The following NRCAM variants were observed in gnomAD, a reference collection of about 807,000 sequenced individuals.
The protein encoded by NRCAM is neuronal cell adhesion molecule.
Under a neutral mutation model 156.5 loss-of-function variants are expected in NRCAM, and 83 were observed. That is an observed-to-expected ratio of 0.53 (90% CI 0.44 to 0.64). The LOEUF (loss-of-function observed/expected upper bound fraction) is 0.64. Ranked by LOEUF, NRCAM falls within the 30% of genes least tolerant of loss-of-function variation. The pLI, the probability that NRCAM is intolerant of heterozygous loss-of-function variation, is 0.00. For synonymous variants in NRCAM, 538 were observed against 563.9 expected (o/e 0.95, Z 0.65); for missense variants, 1,417 against 1,597.3 (o/e 0.89, Z 1.92).
chr7:108,434,992 G>A (rs894403743), intron 1 of NRCAM, among the ~76,000 whole-genome samples: 2 of 149,972 alleles, frequency 1.3e-5, no homozygotes, highest in Admixed American at 6.6e-5. Flanking sequence ...CAAAAATTAC[G>A]AGACAAGTAA....
chr7:108,192,823 AG>A (rs2072822687), intron 17 of NRCAM, among the ~76,000 whole-genome samples: 1 of 152,238 alleles, frequency 6.6e-6, no homozygotes, highest in African/African-American at 2.4e-5. Context: ...CACTAGAAAC[AG>A]GAAGATTTAG....
At chr7:108,332,732 A>G (rs2099139520) in intron 2 of NRCAM, among the ~76,000 whole-genome samples, 1 of 152,232 alleles carries the variant, frequency 6.6e-6, no homozygotes, top group Admixed American at 6.5e-5. Context: ...TAATGTACAT[A>G]TCAAGACAAT....
chr7:108,201,176 TAA>T (rs71522858), intron 13 of NRCAM, among the ~76,000 whole-genome samples: 67 of 130,502 alleles, frequency 5.1e-4, no homozygotes, highest in Middle Eastern at 3.9e-3. Context: ...TTAAGGTCGG[TAA>T]AAAAAAAAAA....
In NRCAM at chr7:108,368,733, A is replaced by T. The variant is rs191377414; in HGVS notation, c.-174+30703T>A. The stretch of plus-strand genomic sequence containing the variant: ...ACAAATTCCTCAAACCAGAAAAAAA[A>T]ACAAGCGTGAAGTAGAGCAAATAGC... On this transcript the variant is annotated intron_variant, in intron 2 of 32. Transcript: ENST00000379028. 1.5e-3 allele frequency among the ~76,000 whole-genome samples: 227 copies of T among 152,328 alleles called. 1 individual carries two copies. Among genetic ancestry groups the T allele is most frequent in the African/African-American group, 5.3e-3 (219 of 41,574 alleles).
At chr7:108,202,597 T>G (rs1255180696) in intron 13 of NRCAM, among the ~76,000 whole-genome samples, 2 of 152,204 alleles carry the variant, frequency 1.3e-5, no homozygotes, top group East Asian at 3.9e-4. Context: ...CCTCTTCATT[T>G]ACTTATTCCA....
chr7:108,186,461 T>A (rs78658436), intron 20 of NRCAM, among the ~76,000 whole-genome samples: 7,920 of 152,196 alleles, frequency 0.052, 285 homozygotes, highest in African/African-American at 0.1. Flanking sequence ...TCTTCCACAC[T>A]CTCTGTAGTA....
intron 2 of NRCAM, among the ~76,000 whole-genome samples, chr7:108,364,495 C>T (rs1242107604): frequency 6.6e-6 from 1 of 152,026 alleles, no homozygotes; most frequent in Non-Finnish European, 1.5e-5. Flanking sequence ...CCAGAGATTC[C>T]ACTCCTATGT....
intron 1 of NRCAM, among the ~76,000 whole-genome samples, chr7:108,451,883 G>A (rs1374528287): frequency 1.3e-5 from 2 of 152,160 alleles, no homozygotes; most frequent in Non-Finnish European, 2.9e-5. Flanking sequence ...GGTGATGGCT[G>A]CACACAATGT....
At chr7:108,367,938 G>A (rs1018621705) in intron 2 of NRCAM, among the ~76,000 whole-genome samples, 1 of 152,020 alleles carries the variant, frequency 6.6e-6, no homozygotes, top group South Asian at 2.1e-4. Flanking sequence ...AAACCCTAAC[G>A]TATGGTACAG....
At chr7:108,247,466 G>T (rs1207997639) in intron 3 of NRCAM, among the ~76,000 whole-genome samples, 1 of 151,278 alleles carries the variant, frequency 6.6e-6, no homozygotes, top group Non-Finnish European at 1.5e-5. Flanking sequence ...TATATATGTT[G>T]GTGCAGCCAA....
chr7:108,230,039 G>C (rs2094109338), intron 8 of NRCAM, among the ~76,000 whole-genome samples: 1 of 152,096 alleles, frequency 6.6e-6, no homozygotes, highest in African/African-American at 2.4e-5. Context: ...TAAAAGGCCT[G>C]ACACTTGGTA....
chr7:108,274,967 A>G (rs2097538035), intron 3 of NRCAM, among the ~76,000 whole-genome samples: 1 of 152,160 alleles, frequency 6.6e-6, no homozygotes, highest in South Asian at 2.1e-4. Flanking sequence ...GATATTGTTG[A>G]AGGCCTTTTC....
At chr7:108,286,296 A>G (rs1429839492) in intron 3 of NRCAM, among the ~76,000 whole-genome samples, 1 of 152,132 alleles carries the variant, frequency 6.6e-6, no homozygotes, top group African/African-American at 2.4e-5. Context: ...CAGTATTTAT[A>G]AGCCTTATCT....
At chr7:108,418,990 T>C (rs1442460822) in intron 1 of NRCAM, among the ~76,000 whole-genome samples, 4 of 152,070 alleles carry the variant, frequency 2.6e-5, no homozygotes, top group African/African-American at 9.7e-5. Context: ...GTCCTTCTGA[T>C]ATTGAGAGGC....
At position 108,232,399 on chromosome 7, in the gene NRCAM, T is replaced by A. The variant is rs2094443803; in HGVS notation, c.354A>T (p.Glu118Asp). Reference protein sequence around the residue: ...IMSEGKAETYEGVYQCTARNE... With the variant: ...IMSEGKAETYDGVYQCTARNE... ...TCCTTGCTGTACACTGATAGACTCC[T>A]TCATAGGTCTCAGCTTTCCCTTCGC... The change falls in exon 7 of 33, where the codon GAA becomes GAT. Residue 118 changes from glutamate to aspartate, a missense_variant. Physicochemically the swap from Glu to Asp is conservative, Grantham distance 45. Coordinates refer to ENST00000379028, the MANE Select transcript of NRCAM (RefSeq NM_001037132.4). 6.2e-7 allele frequency: 1 copy of A among 1,613,626 alleles called. No homozygotes were observed. Among genetic ancestry groups the A allele is most frequent in the Admixed American group, 1.7e-5 (1 of 59,960 alleles).
rs75558466 is a variant in NRCAM, at chr7:108,424,817, A to G, written c.-331-25224T>C. 2.7e-3 allele frequency among the ~76,000 whole-genome samples: 187 copies of G among 69,976 alleles called. 4 individuals carry two copies. The East Asian group carries it at 0.12, about 43-fold the overall frequency. The allele number at this position is 69,976 out of a possible 152,430, so 45.9% of individuals were successfully genotyped here. A position where few individuals can be genotyped will look rare whatever the true frequency, so the allele number is the denominator to read the frequency against. On this transcript the variant is annotated intron_variant, in intron 1 of 32. Transcript: ENST00000379028. ...TGAGCAGCAATATGACTATAGCTCTATGAGTCCAATGTCTAATAGAATATA... is the reference window on the plus strand; with the variant it reads ...TGAGCAGCAATATGACTATAGCTCTGTGAGTCCAATGTCTAATAGAATATA...
intron 9 of NRCAM, among the ~76,000 whole-genome samples, chr7:108,225,937 C>T (rs2093373390): frequency 6.6e-6 from 1 of 152,112 alleles, no homozygotes; most frequent in Non-Finnish European, 1.5e-5. Context: ...CACTGTGGAG[C>T]ATAAAGCACA....
chr7:108,155,784 T>C (rs2045009682), intron 32 of NRCAM, among the ~76,000 whole-genome samples: 1 of 152,134 alleles, frequency 6.6e-6, no homozygotes, highest in African/African-American at 2.4e-5. Flanking sequence ...ACAGTGGGCA[T>C]TTTAGAAAAT....
At chr7:108,150,455 T>C (rs1039362248) in intron 32 of NRCAM, among the ~76,000 whole-genome samples, 3 of 152,138 alleles carry the variant, frequency 2.0e-5, no homozygotes, top group Non-Finnish European at 4.4e-5. Context: ...TAAGAAAGAA[T>C]TCAGAAAAGT....
Sources: gnomAD v4.1 joint callset for allele counts (sites outside exome capture counted in the v4.1 genomes callset) on GRCh38, gnomAD v4.1.1 for gene constraint, MANE v1.5 for transcripts, NCBI Gene and HGNC (gene_info 2026-07-23, HGNC 2026-07-21) for gene names.